Variants in SCRG1 observed in about 807,000 individuals in gnomAD.
The protein encoded by SCRG1 is stimulator of chondrogenesis 1.
Under a neutral mutation model 7.7 loss-of-function variants are expected in SCRG1, and 3 were observed. The observed-to-expected ratio is 0.39, with a 90% CI of 0.18 to 1.01. SCRG1 has a LOEUF of 1.01. Ranked by LOEUF, SCRG1 falls within the 50% of genes least tolerant of loss-of-function variation. The probability of loss-of-function intolerance (pLI) is 0.36; values close to 1 mark genes in which losing one functional copy is unlikely to be tolerated. For missense variants in SCRG1, 110 were observed against 117.2 expected, an observed-to-expected ratio of 0.94 and a Z score of 0.28; for synonymous variants, 46 against 41.2, an observed-to-expected ratio of 1.12 and a Z score of -0.44.
chr4:173,434,696 G>C, the SCRG1 span, among the ~76,000 whole-genome samples: 1 of 152,090 alleles, frequency 6.6e-6, no homozygotes, highest in African/African-American at 2.4e-5. Context: ...GCCGGGTGTC[G>C]TGGTGACGCC....
At chr4:173,499,562 A>G in the SCRG1 span, among the ~76,000 whole-genome samples, 4 of 152,204 alleles carry the variant, frequency 2.6e-5, no homozygotes, top group East Asian at 7.7e-4. This position sits in a 1 kb window ranked among gnomAD's most constrained non-coding sequence, Gnocchi z 4.1. Context: ...TATATTCTTC[A>G]GTAAATATTT....
At chr4:173,505,034 C>T in the SCRG1 span, among the ~76,000 whole-genome samples, 5,923 of 152,314 alleles carry the variant, frequency 0.039, 397 homozygotes, top group African/African-American at 0.13. The surrounding 1 kb of genome is among the most constrained non-coding windows in gnomAD (Gnocchi z 4.4). Context: ...ACCATAGTCT[C>T]ACCTTCTGTC....
chr4:173,464,617 T>C, the SCRG1 span, among the ~76,000 whole-genome samples: 3 of 152,280 alleles, frequency 2.0e-5, no homozygotes, highest in Non-Finnish European at 2.9e-5. Context: ...TATGGAGAAA[T>C]TGGAAATCTC....
chr4:173,477,975 G>T, the SCRG1 span, among the ~76,000 whole-genome samples: 1 of 151,950 alleles, frequency 6.6e-6, no homozygotes, highest in East Asian at 1.9e-4. Context: ...TCATTATGCT[G>T]CCCAGGCTAG....
chr4:173,477,730 CCTTCCT>C, the SCRG1 span, among the ~76,000 whole-genome samples: 2 of 108,728 alleles, frequency 1.8e-5, no homozygotes, highest in African/African-American at 6.0e-5. Flanking sequence ...TTCCTTCCTT[CCTTCCT>C]TCCTTCCTTC....
the SCRG1 span, among the ~76,000 whole-genome samples, chr4:173,502,077 T>C: frequency 6.6e-6 from 1 of 152,134 alleles, no homozygotes; most frequent in Non-Finnish European, 1.5e-5. This position sits in a 1 kb window ranked among gnomAD's most constrained non-coding sequence, Gnocchi z 4.6. Context: ...CTGCACTTTT[T>C]TGTGGAATGA....
At chr4:173,457,763 T>TAA in the SCRG1 span, among the ~76,000 whole-genome samples, 1 of 152,092 alleles carries the variant, frequency 6.6e-6, no homozygotes, top group Non-Finnish European at 1.5e-5. Flanking sequence ...AGCTAAGGAG[T>TAA]GTGTGACACT....
At chr4:173,461,328 G>A in the SCRG1 span, among the ~76,000 whole-genome samples, 1 of 152,202 alleles carries the variant, frequency 6.6e-6, no homozygotes, top group African/African-American at 2.4e-5. Flanking sequence ...AGGGGTACTC[G>A]TGTTACTCCA....
chr4:173,419,352 T>A, the SCRG1 span: 1 of 1,036,626 alleles, frequency 9.6e-7, no homozygotes, highest in Non-Finnish European at 1.4e-6. Context: ...TACCTCTTCT[T>A]TTTAATTTCT....
At chr4:173,461,248 T>A in the SCRG1 span, among the ~76,000 whole-genome samples, 21 of 152,198 alleles carry the variant, frequency 1.4e-4, no homozygotes, top group Admixed American at 2.6e-4. Context: ...ATGGAGTGGT[T>A]ATAGCAGGCC....
the SCRG1 span, among the ~76,000 whole-genome samples, chr4:173,480,532 C>G: frequency 6.6e-6 from 1 of 152,042 alleles, no homozygotes; most frequent in African/African-American, 2.4e-5. Flanking sequence ...CTGAGTTGAT[C>G]ATTATACAAT....
At chr4:173,471,812 C>T in the SCRG1 span, among the ~76,000 whole-genome samples, 2 of 152,166 alleles carry the variant, frequency 1.3e-5, no homozygotes, top group African/African-American at 4.8e-5. Flanking sequence ...TGGGTTCAAG[C>T]GATTCTCCTG....
the SCRG1 span, among the ~76,000 whole-genome samples, chr4:173,438,758 T>C: frequency 1.3e-5 from 2 of 152,076 alleles, no homozygotes; most frequent in East Asian, 3.9e-4. Flanking sequence ...ACTATTGCTT[T>C]TGGGACTTAA....
chr4:173,401,270 T>G (rs1358742289), upstream of SCRG1, among the ~76,000 whole-genome samples: 1 of 152,254 alleles, frequency 6.6e-6, no homozygotes, highest in Non-Finnish European at 1.5e-5. Flanking sequence ...ACAAGTCTGC[T>G]GTGATTCTTA....
At chr4:173,463,698 T>C in the SCRG1 span, among the ~76,000 whole-genome samples, 1 of 152,230 alleles carries the variant, frequency 6.6e-6, no homozygotes, top group South Asian at 2.1e-4. Flanking sequence ...GTCATTTTCC[T>C]CTGTGACCCC....
At chr4:173,452,478 A>G in the SCRG1 span, among the ~76,000 whole-genome samples, 2 of 152,196 alleles carry the variant, frequency 1.3e-5, no homozygotes, top group Non-Finnish European at 2.9e-5. Context: ...GGCCAACTGT[A>G]TTATTTTAGC....
chr4:173,517,111 C>A, the SCRG1 span, among the ~76,000 whole-genome samples: 11 of 152,140 alleles, frequency 7.2e-5, no homozygotes, highest in African/African-American at 2.7e-4. Flanking sequence ...TTGGGAGGTC[C>A]CGGCCCCAAA....
the SCRG1 span, among the ~76,000 whole-genome samples, chr4:173,449,440 T>C: frequency 6.7e-6 from 1 of 149,826 alleles, no homozygotes; most frequent in African/African-American, 2.5e-5. Context: ...TAAATCTTTT[T>C]TTTTTTTTTT....
At chr4:173,441,633 T>G in the SCRG1 span, among the ~76,000 whole-genome samples, 1 of 152,248 alleles carries the variant, frequency 6.6e-6, no homozygotes, top group African/African-American at 2.4e-5. Context: ...TAAACTTTGT[T>G]GAGTATTAAC....
Sources: gnomAD v4.1 joint callset for allele counts (sites outside exome capture counted in the v4.1 genomes callset) on GRCh38, gnomAD v4.1.1 for gene constraint, Gnocchi (gnomAD v3.1) non-coding constraint, MANE v1.5 for transcripts, NCBI Gene and HGNC (gene_info 2026-07-23, HGNC 2026-07-21) for gene names.